ARCN1: variants seen among roughly 807,000 people sequenced by gnomAD.
ARCN1 encodes archain 1 coat protein complex I subunit delta.
A neutral mutation model predicts 60.4 loss-of-function variants in ARCN1; 5 were observed. The observed-to-expected ratio is 0.08, with a 90% CI of 0.04 to 0.17. The LOEUF (loss-of-function observed/expected upper bound fraction) is 0.17. ARCN1 is among the 10% of genes least tolerant of loss of function. ARCN1 has a pLI of 1.00. For missense variants in ARCN1, 464 were observed against 626.5 expected (o/e 0.74, Z 2.77); for synonymous variants, 224 against 220.0 (o/e 1.02, Z -0.16).
intron 3 of ARCN1, among the ~76,000 whole-genome samples, 195 bp from the exon 4 acceptor site, chr11:118,583,614 A>G (rs1486416931): frequency 6.6e-6 from 1 of 151,974 alleles, no homozygotes; most frequent in African/African-American, 2.4e-5. Context: ...AAAATTAGCC[A>G]GGCATGGTAG....
chr11:118,589,286 G>A (rs933361357), intron 5 of ARCN1, among the ~76,000 whole-genome samples: 36 of 152,222 alleles, frequency 2.4e-4, no homozygotes, highest in African/African-American at 8.2e-4. Flanking sequence ...TTAACAATAG[G>A]TGAATCTGGA....
chr11:118,576,351 A>G lies in ARCN1; in HGVS notation c.3+3801A>G, dbSNP rs143773467. Among the ~76,000 whole-genome samples, 279 of 144,146 alleles carry G rather than the reference A, an allele frequency of 1.9e-3. 3 individuals carry two copies. The highest frequency in any genetic ancestry group is 6.7e-3 in the African/African-American group (259 of 38,716). 94.6% of individuals were successfully genotyped at this position (144,146 alleles called of 152,430 possible). A position where few individuals can be genotyped will look rare whatever the true frequency, so the allele number is the denominator to read the frequency against. On this transcript the variant is annotated intron_variant, in intron 1 of 9. Coordinates refer to ENST00000264028, the MANE Select transcript of ARCN1 (RefSeq NM_001655.5). ...GAGATCATCTAACTTATGGGCCCTC[A>G]GTTTTCACATCTGTAAGACAATCAA...
At chr11:118,586,719 G>A (rs570028254) in intron 5 of ARCN1, among the ~76,000 whole-genome samples, 3 of 152,012 alleles carry the variant, frequency 2.0e-5, no homozygotes, top group African/African-American at 7.2e-5. Context: ...GGGCGTGGTG[G>A]CACACACCTG....
chr11:118,581,937 G>GAC (rs34532442), intron 2 of ARCN1, among the ~76,000 whole-genome samples: 28,574 of 140,690 alleles, frequency 0.2, 3,361 homozygotes, highest in Admixed American at 0.36. Flanking sequence ...CAGACAGACA[G>GAC]ACACACACAC....
At chr11:118,584,354 A>G in intron 4 of ARCN1, 126 bp from the exon 5 acceptor site, 1 of 884,790 alleles carries the variant, frequency 1.1e-6, no homozygotes, top group Non-Finnish European at 1.6e-6. Context: ...TGAATTACCC[A>G]AAATTATATA....
chr11:118,601,733 G>A lies in ARCN1; in HGVS notation c.*1019G>A, dbSNP rs1188876937. The A allele has an allele frequency of 7.1e-6, 5 of 702,776 alleles. No individual in the cohort carries two copies. The East Asian group carries it at 1.3e-4, about 19-fold the overall frequency. The allele number at this position is 702,776 out of a possible 1,614,324, so 43.5% of individuals were successfully genotyped here. A position where few individuals can be genotyped will look rare whatever the true frequency, so the allele number is the denominator to read the frequency against. On this transcript the variant is annotated 3_prime_UTR_variant, in exon 10 of 10. Coordinates refer to ENST00000264028, the MANE Select transcript of ARCN1 (RefSeq NM_001655.5). ...GGGCCTGTCCTTCCAGTTTAGAACA[G>A]TACCATGAATCCCACTTGTGTCAAT...
chr11:118,575,292 G>T (rs952550572), intron 1 of ARCN1, among the ~76,000 whole-genome samples: 4 of 152,050 alleles, frequency 2.6e-5, no homozygotes, highest in African/African-American at 9.7e-5. Context: ...TATTATTTAT[G>T]TATCTTTTTA....
At chr11:118,583,467 G>A in intron 3 of ARCN1, 109 bp downstream of exon 3, 5 of 1,300,738 alleles carry the variant, frequency 3.8e-6, no homozygotes, top group African/African-American at 1.5e-5. Context: ...TCAAAACTAT[G>A]TCCAGGCTAG....
chr11:118,584,406 C>G (rs1938731118), intron 4 of ARCN1, 74 bp from the exon 5 acceptor site: 3 of 1,419,168 alleles, frequency 2.1e-6, no homozygotes, highest in Non-Finnish European at 2.8e-6. Flanking sequence ...ACGGGAGATA[C>G]AAAATTTTCA....
At position 118,583,161 on chromosome 11, in the gene ARCN1, A is replaced by G; in HGVS notation, c.268-18A>G. 6.2e-7 allele frequency: 1 copy of G among 1,611,246 alleles called. No individual in the cohort carries two copies. The highest frequency in any genetic ancestry group is 1.1e-5 in the South Asian group (1 of 90,608). On this transcript the variant is annotated intron_variant, in intron 2 of 9. Coordinates refer to ENST00000264028, the MANE Select transcript of ARCN1 (RefSeq NM_001655.5). Reference sequence around the variant, plus strand: ...GATAAATTCTAAATCTTTCTTTTTTATTGGTGTCCACGCTTAGATCCCTGA... The same window carrying G: ...GATAAATTCTAAATCTTTCTTTTTTGTTGGTGTCCACGCTTAGATCCCTGA...
At chr11:118,597,665 A>G (rs782720589) in intron 8 of ARCN1, 42 bp from the exon 9 acceptor site, 1 of 1,603,510 alleles carries the variant, frequency 6.2e-7, no homozygotes, top group Admixed American at 1.7e-5. Context: ...GTGGAGTTCT[A>G]GCTCTGAACA....
intron 1 of ARCN1, among the ~76,000 whole-genome samples, chr11:118,578,874 CT>C (rs56050047): frequency 0.014 from 1,148 of 83,232 alleles, 19 homozygotes; most frequent in African/African-American, 0.031. Context: ...CCCCGTCTCT[CT>C]TTTTTTTTTT....
intron 9 of ARCN1, among the ~76,000 whole-genome samples, chr11:118,599,451 C>T (rs891991598): frequency 1.3e-5 from 2 of 151,610 alleles, no homozygotes; most frequent in Non-Finnish European, 2.9e-5. Flanking sequence ...TGTTTTGAGA[C>T]GGAGTCTTGC....
At chr11:118,598,040 C>T (rs1343745566) in intron 9 of ARCN1, 129 bp downstream of exon 9, 1 of 784,120 alleles carries the variant, frequency 1.3e-6, no homozygotes, top group South Asian at 1.8e-5. Flanking sequence ...ATGTCTCCTA[C>T]AGGAATTCCC....
At chr11:118,586,082 T>C (rs1938771911) in intron 5 of ARCN1, among the ~76,000 whole-genome samples, 1 of 152,146 alleles carries the variant, frequency 6.6e-6, no homozygotes, top group Admixed American at 6.6e-5. Context: ...ATTTACTCTT[T>C]TTCTTTCTTC....
chr11:118,596,931 C>T (rs1472586442), intron 8 of ARCN1, among the ~76,000 whole-genome samples: 3 of 152,066 alleles, frequency 2.0e-5, no homozygotes, highest in South Asian at 2.1e-4. Flanking sequence ...AATTCTCGGC[C>T]GGGTGCGGTG....
Position 118,592,834 on chromosome 11 carries a change from G to A in ARCN1, c.1110G>A (p.Glu370=). 1 of 1,614,048 alleles carries A rather than the reference G, an allele frequency of 6.2e-7. No individual in the cohort carries two copies. Among genetic ancestry groups the A allele is most frequent in the Non-Finnish European group, 8.5e-7 (1 of 1,179,956 alleles). ...TAAAGTGGAGACTACAAACCACAGA[G>A]GAATCTTTTATTCCACTGACAAGTA... ...GVLKWRLQTT[E]ESFIPLTINC... Residue 370 remains glutamate, a synonymous_variant, in exon 7 of 10, where the codon GAG becomes GAA. Transcript: ENST00000264028.
rs1369196423 is a variant in ARCN1 at position 118,602,324 on chromosome 11, G to A, written c.*1610G>A. 1 of 153,946 alleles carries A rather than the reference G, an allele frequency of 6.5e-6. No homozygotes were observed. The highest frequency in any genetic ancestry group is 1.5e-5 in the Non-Finnish European group (1 of 68,252). The allele number at this position is 153,946 out of a possible 1,614,324, so 9.5% of individuals were successfully genotyped here. ...CCATCTCATCCATTTCCTTTTCAAT[G>A]GAGACTACAGCGTCAGCCAGCTCAG... is the stretch of plus-strand genomic sequence containing the variant. On this transcript the variant is annotated 3_prime_UTR_variant, in exon 10 of 10. Transcript: ENST00000264028.
rs151181680 is a variant in ARCN1 at position 118,583,913 on chromosome 11, C to T, written c.552C>T (p.Gly184=). 5.4e-4 allele frequency: 878 copies of T among 1,614,196 alleles called. 1 individual carries two copies. Among genetic ancestry groups the T allele is most frequent in the Non-Finnish European group, 6.9e-4 (815 of 1,180,044 alleles). The change falls in exon 4 of 10, where the codon GGC becomes GGT. Residue 184 remains glycine, a synonymous_variant. Transcript: ENST00000264028. The part of the protein sequence containing the change: ...ERQGKKAPGF[G]GFGSSAVSGG... The stretch of plus-strand genomic sequence containing the variant: ...AGGGCAAAAAAGCACCAGGATTTGG[C>T]GGATTTGGCAGCTCTGCAGTATCTG...
Sources: allele counts gnomAD v4.1 joint callset (sites outside exome capture counted in the v4.1 genomes callset), GRCh38; gene constraint gnomAD v4.1.1; transcripts MANE v1.5; gene names NCBI Gene and HGNC (gene_info 2026-07-23, HGNC 2026-07-21).